Variants in MTNAP1 observed in about 807,000 individuals in gnomAD.
The protein encoded by MTNAP1 is mitochondrial nucleoid-associated protein 1.
At chr17:73,240,169 A>T in the MTNAP1 span, among the ~76,000 whole-genome samples, 1 of 152,192 alleles carries the variant, frequency 6.6e-6, no homozygotes, top group Non-Finnish European at 1.5e-5. Flanking sequence ...GGAAAATAGA[A>T]TTTTTTCTTC....
At chr17:73,237,227 C>A in the MTNAP1 span, among the ~76,000 whole-genome samples, 1 of 152,092 alleles carries the variant, frequency 6.6e-6, no homozygotes, top group African/African-American at 2.4e-5. Flanking sequence ...CACTTGAATT[C>A]AGGAGTTAAG....
chr17:73,236,446 A>C, the MTNAP1 span: 339 of 1,614,180 alleles, frequency 2.1e-4, 1 homozygote, highest in African/African-American at 3.0e-3. Flanking sequence ...TGCAACAGAA[A>C]AGCAGGAACG....
At chr17:73,236,032 A>C in the MTNAP1 span, 1 of 1,614,188 alleles carries the variant, frequency 6.2e-7, no homozygotes. Context: ...TTCTTTGTCA[A>C]ATCAAGATAG....
the MTNAP1 span, among the ~76,000 whole-genome samples, chr17:73,234,487 T>C: frequency 1.3e-5 from 2 of 152,070 alleles, no homozygotes; most frequent in East Asian, 3.9e-4. Flanking sequence ...AGTCAGGAGA[T>C]TGAGACCATC....
At chr17:73,248,614 A>T in the MTNAP1 span, 1 of 1,410,860 alleles carries the variant, frequency 7.1e-7, no homozygotes, top group Non-Finnish European at 9.8e-7. Context: ...CCCGCAGAAG[A>T]GGCATGGTGA....
the MTNAP1 span, chr17:73,235,611 G>A: frequency 1.5e-5 from 24 of 1,613,974 alleles, no homozygotes; most frequent in Non-Finnish European, 2.0e-5. Flanking sequence ...AAGTTTATCA[G>A]TCCAAGCCAG....
the MTNAP1 span, among the ~76,000 whole-genome samples, chr17:73,243,789 T>G: frequency 6.6e-6 from 1 of 152,166 alleles, no homozygotes; most frequent in Admixed American, 6.5e-5. Flanking sequence ...TGCCTCGGCC[T>G]CCCAAAGTGC....
At chr17:73,247,349 G>A in the MTNAP1 span, 28 of 1,613,956 alleles carry the variant, frequency 1.7e-5, no homozygotes, top group Middle Eastern at 3.3e-4. Context: ...TAGGAAGCAC[G>A]TTTAAGTAGG....
the MTNAP1 span, among the ~76,000 whole-genome samples, chr17:73,238,824 C>T: frequency 3.3e-5 from 5 of 152,174 alleles, no homozygotes; most frequent in African/African-American, 7.2e-5. Context: ...GCAAGGAGAA[C>T]CTAGTTTCCT....
the MTNAP1 span, chr17:73,236,232 A>G: frequency 1.2e-6 from 2 of 1,614,086 alleles, no homozygotes; most frequent in Non-Finnish European, 1.7e-6. Flanking sequence ...GCAATGAGAG[A>G]GATTCCAAAG....
the MTNAP1 span, chr17:73,247,480 G>A: frequency 1.3e-6 from 1 of 762,924 alleles, no homozygotes. Context: ...AAGGTTATCA[G>A]GAGCATTTGT....
the MTNAP1 span, among the ~76,000 whole-genome samples, chr17:73,239,539 G>A: frequency 3.4e-5 from 3 of 88,380 alleles, no homozygotes; most frequent in Non-Finnish European, 7.1e-5. Flanking sequence ...TTTTTCTTGA[G>A]ACAGAGTCTT....
the MTNAP1 span, chr17:73,236,466 G>A: frequency 8.7e-6 from 14 of 1,614,214 alleles, no homozygotes; most frequent in Middle Eastern, 1.6e-4. Context: ...GGACTGTCAT[G>A]AGCCATGGCT....
chr17:73,242,979 T>C, the MTNAP1 span: 1 of 1,613,844 alleles, frequency 6.2e-7, no homozygotes, highest in Non-Finnish European at 8.5e-7. Context: ...CGTCCTGTGT[T>C]GTAGCTGGAG....
At chr17:73,247,970 T>TCCTTCAAGAATCTCTTC in the MTNAP1 span, 1 of 154,058 alleles carries the variant, frequency 6.5e-6, no homozygotes. Flanking sequence ...TTTTCTCAAG[T>TCCTTCAAGAATCTCTTC]CCTTCAAGAA....
chr17:73,235,447 T>A, the MTNAP1 span: 22 of 1,536,696 alleles, frequency 1.4e-5, no homozygotes, highest in Non-Finnish European at 1.7e-5. Context: ...ACTATGTGCT[T>A]CTCATAATCT....
chr17:73,235,575 A>G, the MTNAP1 span: 6 of 1,614,202 alleles, frequency 3.7e-6, no homozygotes, highest in South Asian at 2.2e-5. Context: ...GTAAGATGAT[A>G]GGACCAACCA....
chr17:73,235,477 A>G, the MTNAP1 span: 2 of 1,598,250 alleles, frequency 1.3e-6, no homozygotes, highest in Non-Finnish European at 1.7e-6. Context: ...CTTTTTCAGG[A>G]ATAGGATGAG....
chr17:73,245,311 A>G, the MTNAP1 span: 1 of 1,420,938 alleles, frequency 7.0e-7, no homozygotes, highest in African/African-American at 1.5e-5. Flanking sequence ...GGGGAGTGAA[A>G]AAAATAAAGA....
Sources: allele counts gnomAD v4.1 joint callset (sites outside exome capture counted in the v4.1 genomes callset), GRCh38; gene constraint gnomAD v4.1.1; transcripts MANE v1.5; gene names NCBI Gene and HGNC (gene_info 2026-07-23, HGNC 2026-07-21).